The following RAB27B variants were observed in gnomAD, a reference collection of about 807,000 sequenced individuals.
RAB27B encodes RAB27B, member RAS oncogene family, also known as ras-related protein Rab-27B.
In RAB27B, 15 loss-of-function variants were observed where a neutral mutation model predicts 24.6. That is an observed-to-expected ratio of 0.61 (90% CI 0.41 to 0.94). RAB27B has a LOEUF of 0.94. RAB27B is among the 40% of genes least tolerant of loss of function. The pLI, the probability that RAB27B is intolerant of heterozygous loss-of-function variation, is 0.00. For synonymous variants in RAB27B, 105 were observed against 92.5 expected (o/e 1.14, Z -0.78); for missense variants, 261 against 266.8 (o/e 0.98, Z 0.15).
intron 2 of RAB27B, among the ~76,000 whole-genome samples, chr18:54,813,801 G>GCGATATCTA (rs1427302104): frequency 6.6e-6 from 1 of 152,088 alleles, no homozygotes; most frequent in Non-Finnish European, 1.5e-5. Flanking sequence ...AAGGAGATGA[G>GCGATATCTA]CGATATCTAT....
chr18:54,829,853 A>G (rs932309800), intron 1 of RAB27B, among the ~76,000 whole-genome samples: 2 of 152,222 alleles, frequency 1.3e-5, no homozygotes, highest in South Asian at 4.1e-4. Context: ...GTTTCCTAGC[A>G]TAATCCTCTA....
intron 1 of RAB27B, among the ~76,000 whole-genome samples, chr18:54,843,092 G>C (rs1252201671): frequency 6.6e-6 from 1 of 152,108 alleles, no homozygotes; most frequent in Non-Finnish European, 1.5e-5. Context: ...CACCGTGCCT[G>C]GCCAATAATA....
At chr18:54,756,159 T>C (rs986036414) in intron 2 of RAB27B, among the ~76,000 whole-genome samples, 1 of 152,186 alleles carries the variant, frequency 6.6e-6, no homozygotes, top group Non-Finnish European at 1.5e-5. Context: ...TTCAGCTAGG[T>C]CATTCTGTGA....
intron 1 of RAB27B, among the ~76,000 whole-genome samples, chr18:54,837,864 T>C (rs972432087): frequency 2.6e-5 from 4 of 152,082 alleles, no homozygotes; most frequent in African/African-American, 9.7e-5. Context: ...GTAGCTTCTG[T>C]GGGGGCAATC....
intron 2 of RAB27B, among the ~76,000 whole-genome samples, chr18:54,779,869 C>T (rs1404624974): frequency 2.0e-5 from 3 of 152,124 alleles, no homozygotes; most frequent in African/African-American, 7.2e-5. Context: ...GGCCTCTCCC[C>T]TTGGCTGTCC....
In RAB27B at chr18:54,873,752, TAGAC is replaced by T. The variant is rs141991480; in HGVS notation, c.-19-3811_-19-3808del. Among the ~76,000 whole-genome samples, 1,103 of 147,720 alleles carry T rather than the reference TAGAC, an allele frequency of 7.5e-3. 25 individuals carry two copies. Among genetic ancestry groups the T allele is most frequent in the Admixed American group, 0.048 (719 of 14,836 alleles). ...GTGAGTGTGTTGACAGAGACAGACA[TAGAC>T]AGAGTGAGAGAGAGAGGAGAGTAGT... On this transcript the variant is annotated intron_variant, in intron 1 of 5. Coordinates refer to ENST00000262094, the MANE Select transcript of RAB27B (RefSeq NM_004163.4).
chr18:54,740,932 A>C (rs1910051370), intron 2 of RAB27B, among the ~76,000 whole-genome samples: 1 of 152,198 alleles, frequency 6.6e-6, no homozygotes, highest in African/African-American at 2.4e-5. Flanking sequence ...AATTGATGAA[A>C]ACATATGACA....
At chr18:54,763,043 A>C (rs1384804606) in intron 2 of RAB27B, among the ~76,000 whole-genome samples, 1 of 152,188 alleles carries the variant, frequency 6.6e-6, no homozygotes, top group Non-Finnish European at 1.5e-5. Context: ...TTGAGTCTCT[A>C]AGCTCAAGGC....
chr18:54,860,990 A>G (rs1252093065), intron 1 of RAB27B, among the ~76,000 whole-genome samples: 1 of 152,228 alleles, frequency 6.6e-6, no homozygotes, highest in African/African-American at 2.4e-5. Flanking sequence ...TGAGTTATCT[A>G]GAATTATATT....
intron 2 of RAB27B, among the ~76,000 whole-genome samples, chr18:54,781,597 C>T (rs1908919646): frequency 6.6e-6 from 1 of 152,114 alleles, no homozygotes; most frequent in Non-Finnish European, 1.5e-5. Flanking sequence ...TAGATTTGGG[C>T]TTTTCCTTTT....
At chr18:54,753,561 A>G (rs1353806178) in intron 2 of RAB27B, among the ~76,000 whole-genome samples, 1 of 152,214 alleles carries the variant, frequency 6.6e-6, no homozygotes, top group Admixed American at 6.5e-5. Context: ...CAGCCACAAT[A>G]AAGTAGCCAG....
At chr18:54,810,712 C>G (rs1909933380) in intron 2 of RAB27B, among the ~76,000 whole-genome samples, 1 of 151,958 alleles carries the variant, frequency 6.6e-6, no homozygotes. Flanking sequence ...CACCTGTAAT[C>G]TCAGCTGCTT....
chr18:54,810,536 TA>T (rs906374371), intron 2 of RAB27B, among the ~76,000 whole-genome samples: 2 of 151,770 alleles, frequency 1.3e-5, no homozygotes, highest in Admixed American at 6.6e-5. Context: ...ATGAATGAAT[TA>T]AAAAAAATCA....
At chr18:54,776,706 C>T (rs1176673996) in intron 2 of RAB27B, among the ~76,000 whole-genome samples, 1 of 152,094 alleles carries the variant, frequency 6.6e-6, no homozygotes, top group East Asian at 1.9e-4. Flanking sequence ...AAGTTTATGA[C>T]CAAAATGCCT....
At chr18:54,840,591 C>A (rs1255811436) in intron 1 of RAB27B, among the ~76,000 whole-genome samples, 1 of 148,732 alleles carries the variant, frequency 6.7e-6, no homozygotes, top group Non-Finnish European at 1.5e-5. Flanking sequence ...TTAAATATTC[C>A]ATTACACTGG....
intron 2 of RAB27B, among the ~76,000 whole-genome samples, chr18:54,814,226 CA>C (rs1379585178): frequency 6.6e-6 from 1 of 152,182 alleles, no homozygotes; most frequent in Non-Finnish European, 1.5e-5. Context: ...TAGGCTATGA[CA>C]ACTACTTTGT....
chr18:54,870,009 G>A (rs1912399060), intron 1 of RAB27B, among the ~76,000 whole-genome samples: 1 of 151,950 alleles, frequency 6.6e-6, no homozygotes, highest in South Asian at 2.1e-4. Flanking sequence ...AGGACAACGT[G>A]GTTTTACATA....
chr18:54,815,779 C>T (rs1389903947), intron 2 of RAB27B, among the ~76,000 whole-genome samples: 1 of 152,072 alleles, frequency 6.6e-6, no homozygotes, highest in Non-Finnish European at 1.5e-5. Context: ...TATGTTCCAC[C>T]ATGCCTAGCT....
intron 2 of RAB27B, among the ~76,000 whole-genome samples, chr18:54,811,259 A>G (rs1469431700): frequency 6.6e-6 from 1 of 152,192 alleles, no homozygotes; most frequent in Non-Finnish European, 1.5e-5. Flanking sequence ...GCTAAGGTTA[A>G]GGACATACCT....
Sources: gnomAD v4.1 joint callset for allele counts (sites outside exome capture counted in the v4.1 genomes callset) on GRCh38, gnomAD v4.1.1 for gene constraint, MANE v1.5 for transcripts, NCBI Gene and HGNC (gene_info 2026-07-23, HGNC 2026-07-21) for gene names.